CEMIP2: variants seen among roughly 807,000 people sequenced by gnomAD.
The protein encoded by CEMIP2 is cell surface hyaluronidase CEMIP2.
CEMIP2 carries 79 observed loss-of-function variants against 146.9 expected under a neutral mutation model. The ratio of observed to expected loss-of-function variants is 0.54; its 90% CI spans 0.45 to 0.65. CEMIP2 has a LOEUF of 0.65. Ranked by LOEUF, CEMIP2 falls within the 30% of genes least tolerant of loss-of-function variation. The pLI is 0.00. For missense variants in CEMIP2, 1,596 were observed against 1,696.2 expected (o/e 0.94, Z 1.04); for synonymous variants, 601 against 606.3 (o/e 0.99, Z 0.13).
intron 22 of CEMIP2, among the ~76,000 whole-genome samples, 191 bp downstream of exon 22, chr9:71,689,901 G>C (rs1822175266): frequency 6.6e-6 from 1 of 152,180 alleles, no homozygotes; most frequent in South Asian, 2.1e-4. Context: ...CCACAGGTAA[G>C]CAATGGCTTG....
chr9:71,694,444 A>T, intron 21 of CEMIP2, 65 bp downstream of exon 21: 1 of 1,317,164 alleles, frequency 7.6e-7, no homozygotes, highest in Non-Finnish European at 1.1e-6. Context: ...TTTATAAGCT[A>T]CCTAGTTTAT....
chr9:71,688,970 C>T (rs1332757313), intron 22 of CEMIP2, among the ~76,000 whole-genome samples: 2 of 152,148 alleles, frequency 1.3e-5, no homozygotes, highest in East Asian at 1.9e-4. Flanking sequence ...CAAGAAACAG[C>T]ATTACCAGTA....
At chr9:71,732,635 A>G in intron 6 of CEMIP2, 115 bp from the exon 7 acceptor site, 1 of 859,094 alleles carries the variant, frequency 1.2e-6, no homozygotes, top group Non-Finnish European at 1.6e-6. Flanking sequence ...ACAACTTATC[A>G]TCTGCTCCCA....
rs1822927524 is a variant in CEMIP2 at position 71,712,225 on chromosome 9, C to A, written c.2627G>T (p.Gly876Val). The A allele has an allele frequency of 6.2e-7, 1 of 1,613,870 alleles. No homozygotes were observed. The highest frequency in any genetic ancestry group is 1.3e-5 in the African/African-American group (1 of 74,864). The change falls in exon 16 of 24, where the codon GGG (glycine) becomes GTG (valine). Residue 876 changes from glycine (G) to valine (V), a missense_variant. Gly to Val is a moderately radical substitution (Grantham distance 109). Coordinates refer to ENST00000377044, the MANE Select transcript of CEMIP2 (RefSeq NM_013390.3). ...AGTGCTCCTTGTGAGATGAATGGGC[C>A]CATCATAAATCTGAAAGCCTCTAAT... is the stretch of plus-strand genomic sequence containing the variant. ...FPIRGFQIYD[G>V]PIHLTRSTFK... is the part of the protein sequence containing the mutation.
intron 3 of CEMIP2, 44 bp downstream of exon 3, chr9:71,746,157 A>G (rs886107124): frequency 5.0e-6 from 8 of 1,592,012 alleles, no homozygotes; most frequent in Non-Finnish European, 6.8e-6. Flanking sequence ...CCCCCACATT[A>G]AAGAGCAACC....
In CEMIP2 at chr9:71,746,315, G is replaced by C. The variant is rs749414511; in HGVS notation, c.358C>G (p.Leu120Val). The part of the protein sequence containing the change: ...DENCPDQNPR[L>V]RNWDPGQDSA... ...TCTTGTCCTGGATCCCAATTCCTGA[G>C]ACGAGGATTTTGATCTGGGCAATTT... The change falls in exon 3 of 24, where the codon CTC becomes GTC. Residue 120 changes from leucine to valine, a missense_variant. Transcript: ENST00000377044. The C allele has an allele frequency of 6.2e-7, 1 of 1,613,892 alleles. No individual in the cohort carries two copies. Among genetic ancestry groups the C allele is most frequent in the South Asian group, 1.1e-5 (1 of 91,080 alleles).
At chr9:71,735,031 A>G in intron 5 of CEMIP2, 37 bp from the exon 6 acceptor site, 1 of 1,554,688 alleles carries the variant, frequency 6.4e-7, no homozygotes, top group Non-Finnish European at 8.6e-7. Context: ...AGAAAGTGAT[A>G]CATTAACAGT....
At chr9:71,690,786 C>A (rs547576608) in intron 21 of CEMIP2, among the ~76,000 whole-genome samples, 1 of 152,098 alleles carries the variant, frequency 6.6e-6, no homozygotes, top group Non-Finnish European at 1.5e-5. Flanking sequence ...ATAATTTTAC[C>A]GGAATTTAAG....
chr9:71,702,842 T>C (rs1402784163), intron 18 of CEMIP2, among the ~76,000 whole-genome samples: 2 of 152,204 alleles, frequency 1.3e-5, no homozygotes, highest in African/African-American at 2.4e-5. Context: ...TTTTTTTCAC[T>C]TTAAAATGTC....
intron 1 of CEMIP2, among the ~76,000 whole-genome samples, chr9:71,751,129 T>C (rs749435842): frequency 3.5e-4 from 54 of 152,322 alleles, no homozygotes; most frequent in Non-Finnish European, 6.8e-4. Flanking sequence ...TTTAACTATG[T>C]TAAGCGTACA....
intron 6 of CEMIP2, among the ~76,000 whole-genome samples, chr9:71,733,956 G>T (rs1415167145): frequency 6.6e-6 from 1 of 151,878 alleles, no homozygotes; most frequent in Non-Finnish European, 1.5e-5. Context: ...CGATTCTCCT[G>T]CCTCAGCCTC....
chr9:71,724,617 G>A (rs991219887), intron 11 of CEMIP2, among the ~76,000 whole-genome samples: 2 of 152,182 alleles, frequency 1.3e-5, no homozygotes, highest in African/African-American at 4.8e-5. Context: ...TAAAGTGCCT[G>A]TGAGCACAAA....
rs151112245 is a variant in CEMIP2, at chr9:71,717,968, A to G, written c.2379T>C (p.Asp793=). 2.5e-6 allele frequency: 4 copies of G among 1,608,972 alleles called. No individual in the cohort carries two copies. The highest frequency in any genetic ancestry group is 3.4e-6 in the Non-Finnish European group (4 of 1,177,670). The change falls in exon 13 of 24, where the codon GAT becomes GAC. Residue 793 remains aspartate (D), a synonymous_variant. Coordinates refer to ENST00000377044, the MANE Select transcript of CEMIP2 (RefSeq NM_013390.3). ...NDNGAWVRGG[D]IIVQNSAFAD... ...CCCACGCTGAATTTTGAACGATAAT[A>G]TCTCCTCCTCTGACCCAAGCTCCAT...
chr9:71,732,892 C>G (rs72737979), intron 6 of CEMIP2, among the ~76,000 whole-genome samples: 10,680 of 151,830 alleles, frequency 0.07, 546 homozygotes, highest in South Asian at 0.19. Flanking sequence ...ACCCTCACTA[C>G]TAACTGTTCT....
intron 22 of CEMIP2, among the ~76,000 whole-genome samples, chr9:71,688,562 A>G (rs765778730): frequency 2.0e-5 from 3 of 151,296 alleles, no homozygotes; most frequent in African/African-American, 7.3e-5. Context: ...AGTTTTTTGT[A>G]TTTTTAGTAG....
At chr9:71,743,882 C>G (rs1013804362) in intron 4 of CEMIP2, among the ~76,000 whole-genome samples, 2 of 152,152 alleles carry the variant, frequency 1.3e-5, no homozygotes, top group African/African-American at 4.8e-5. Flanking sequence ...CAACAACCTA[C>G]TATCAAAGGA....
chr9:71,719,102 T>C (rs1005030876), intron 12 of CEMIP2, among the ~76,000 whole-genome samples: 1 of 152,152 alleles, frequency 6.6e-6, no homozygotes, highest in Admixed American at 6.5e-5. Context: ...TATTTTTTTT[T>C]AATCATTTCT....
At chr9:71,717,801 G>T in intron 13 of CEMIP2, 147 bp downstream of exon 13, 1 of 734,648 alleles carries the variant, frequency 1.4e-6, no homozygotes, top group Non-Finnish European at 2.0e-6. Context: ...TTTAACTCTA[G>T]CATACTTCCT....
chr9:71,703,747 T>G (rs1419538782), intron 18 of CEMIP2, among the ~76,000 whole-genome samples: 1 of 152,118 alleles, frequency 6.6e-6, no homozygotes, highest in Non-Finnish European at 1.5e-5. Flanking sequence ...ACACTCTATG[T>G]CCCCATCACA....
Sources: gnomAD v4.1 joint callset for allele counts (sites outside exome capture counted in the v4.1 genomes callset) on GRCh38, gnomAD v4.1.1 for gene constraint, MANE v1.5 for transcripts, NCBI Gene and HGNC (gene_info 2026-07-23, HGNC 2026-07-21) for gene names.